HMCN1: variants seen among roughly 807,000 people sequenced by gnomAD.
HMCN1 encodes hemicentin-1.
HMCN1 carries 321 observed loss-of-function variants against 625.9 expected under a neutral mutation model. The ratio of observed to expected loss-of-function variants is 0.51; its 90% confidence interval spans 0.47 to 0.56. HMCN1 has a LOEUF of 0.56. Ranked by LOEUF, HMCN1 falls within the 20% of genes least tolerant of loss-of-function variation. HMCN1 has a pLI of 0.00. For missense variants in HMCN1, 6,588 were observed against 6,887.3 expected (o/e 0.96, Z 1.54); for synonymous variants, 2,425 against 2,417.6 (o/e 1.00, Z -0.09).
chr1:185,985,319 C>T (rs1242888814), intron 19 of HMCN1, among the ~76,000 whole-genome samples: 1 of 152,096 alleles, frequency 6.6e-6, no homozygotes, highest in Non-Finnish European at 1.5e-5. Flanking sequence ...GGTTGTGTAA[C>T]TATTTTTCAA....
chr1:185,843,841 G>C (rs1661641206), intron 1 of HMCN1, among the ~76,000 whole-genome samples: 1 of 152,092 alleles, frequency 6.6e-6, no homozygotes, highest in South Asian at 2.1e-4. Context: ...GTTGAAAACA[G>C]GTGTATATTT....
intron 105 of HMCN1, among the ~76,000 whole-genome samples, chr1:186,182,725 AT>A (rs1162739003): frequency 6.6e-6 from 1 of 152,200 alleles, no homozygotes; most frequent in African/African-American, 2.4e-5. Context: ...CAATTAAATG[AT>A]TCATTCATTC....
At chr1:185,985,612 C>A (rs1016683405) in intron 19 of HMCN1, among the ~76,000 whole-genome samples, 1 of 152,154 alleles carries the variant, frequency 6.6e-6, no homozygotes, top group Non-Finnish European at 1.5e-5. Flanking sequence ...TCACAAAATT[C>A]ATTTGTCCAT....
At chr1:185,893,081 C>T (rs1361524542) in intron 4 of HMCN1, among the ~76,000 whole-genome samples, 1 of 152,192 alleles carries the variant, frequency 6.6e-6, no homozygotes, top group Non-Finnish European at 1.5e-5. Context: ...TTCCAGGTGC[C>T]GTCCGTTACC....
At chr1:186,185,601 C>A (rs1169930810) in intron 105 of HMCN1, among the ~76,000 whole-genome samples, 2 of 152,344 alleles carry the variant, frequency 1.3e-5, no homozygotes, top group African/African-American at 4.8e-5. Flanking sequence ...TACTCCGTAT[C>A]ATTCTAACCC....
At position 185,919,866 on chromosome 1, in the gene HMCN1, G is replaced by A. The variant is rs955785104; in HGVS notation, c.901-2513G>A. On this transcript the variant is annotated intron_variant, in intron 6 of 106. Transcript: ENST00000271588. ...TTGTGAGGATTAAAAGTGAGAATTT[G>A]TATAAAAAATTAAGCTTTATATATA... Among the ~76,000 whole-genome samples, 3 of 152,146 alleles carry A rather than the reference G, an allele frequency of 2.0e-5. No individual in the cohort carries two copies. In the East Asian group the frequency reaches 5.8e-4, roughly 29 times the overall value.
chr1:185,735,623 TTCAC>T (rs1653506267), intron 1 of HMCN1, among the ~76,000 whole-genome samples: 2 of 152,230 alleles, frequency 1.3e-5, no homozygotes, highest in Non-Finnish European at 2.9e-5. Context: ...ATTAGATAGG[TTCAC>T]AGATGGGTAT....
intron 30 of HMCN1, among the ~76,000 whole-genome samples, chr1:186,007,902 C>T (rs1446742440): frequency 1.3e-5 from 2 of 152,100 alleles, no homozygotes; most frequent in African/African-American, 2.4e-5. Context: ...AAGATTTATA[C>T]AATAGAAAGG....
intron 36 of HMCN1, among the ~76,000 whole-genome samples, chr1:186,031,568 A>G (rs568174183): frequency 2.6e-5 from 4 of 151,848 alleles, no homozygotes; most frequent in Non-Finnish European, 5.9e-5. Flanking sequence ...CAAATTTGGG[A>G]ACATTTCAGT....
At chr1:186,099,115 A>T (rs915554963) in intron 68 of HMCN1, among the ~76,000 whole-genome samples, 1 of 152,098 alleles carries the variant, frequency 6.6e-6, no homozygotes, top group African/African-American at 2.4e-5. Context: ...TATAGTTAAT[A>T]ATATACTATT....
At chr1:185,806,240 AC>A (rs1659159950) in intron 1 of HMCN1, among the ~76,000 whole-genome samples, 1 of 152,130 alleles carries the variant, frequency 6.6e-6, no homozygotes, top group Non-Finnish European at 1.5e-5. Flanking sequence ...TGCCTGAACA[AC>A]TAATAAGAGA....
At chr1:185,886,650 A>G (rs985921581) in intron 4 of HMCN1, among the ~76,000 whole-genome samples, 1 of 152,090 alleles carries the variant, frequency 6.6e-6, no homozygotes, top group East Asian at 1.9e-4. Flanking sequence ...TATGGAATGT[A>G]TCATAAAGAT....
In HMCN1 at chr1:185,814,694, T is replaced by TA. The variant is rs919527949; in HGVS notation, c.269-31332_269-31331insA. 5.5e-5 allele frequency among the ~76,000 whole-genome samples: 8 copies of TA among 146,536 alleles called. 1 individual carries two copies. The highest frequency in any genetic ancestry group is 2.2e-4 in the African/African-American group (8 of 36,762). The stretch of plus-strand genomic sequence containing the variant: ...ATTTATTTTTTTTAATTATTATTAT[T>TA]TATTTTTTTTTTTTTGAGATGCAGT... On this transcript the variant is annotated intron_variant, in intron 1 of 106. Coordinates refer to ENST00000271588, the MANE Select transcript of HMCN1 (RefSeq NM_031935.3).
At chr1:185,843,934 G>A (rs866516144) in intron 1 of HMCN1, among the ~76,000 whole-genome samples, 6 of 152,118 alleles carry the variant, frequency 3.9e-5, no homozygotes, top group Non-Finnish European at 8.8e-5. Context: ...TTGAAGAGCA[G>A]GCATATATTC....
At chr1:186,171,730 T>C (rs980202303) in intron 101 of HMCN1, among the ~76,000 whole-genome samples, 1 of 152,060 alleles carries the variant, frequency 6.6e-6, no homozygotes, top group African/African-American at 2.4e-5. Context: ...TGTATACAAA[T>C]GAAGTTAGTA....
At chr1:186,079,355 A>G (rs1659028064) in intron 55 of HMCN1, among the ~76,000 whole-genome samples, 2 of 152,102 alleles carry the variant, frequency 1.3e-5, no homozygotes, top group South Asian at 4.2e-4. Context: ...TCTCCCTTAC[A>G]GTGGTCAGTA....
intron 1 of HMCN1, among the ~76,000 whole-genome samples, chr1:185,834,596 C>A (rs1053130942): frequency 6.6e-6 from 1 of 152,174 alleles, no homozygotes. Context: ...AAACTATGGT[C>A]TCTTTATAAC....
chr1:185,898,107 GC>G (rs1665586784), intron 4 of HMCN1, among the ~76,000 whole-genome samples: 1 of 152,194 alleles, frequency 6.6e-6, no homozygotes, highest in East Asian at 1.9e-4. Flanking sequence ...AGGCACTGAA[GC>G]TGGAAAGTGG....
chr1:186,039,416 A>G (rs980155381), intron 38 of HMCN1, among the ~76,000 whole-genome samples: 3 of 152,064 alleles, frequency 2.0e-5, no homozygotes, highest in African/African-American at 4.8e-5. Context: ...ATGTGCACAC[A>G]CACACACACA....
Sources: allele counts gnomAD v4.1 joint callset (sites outside exome capture counted in the v4.1 genomes callset), GRCh38; gene constraint gnomAD v4.1.1; transcripts MANE v1.5; gene names NCBI Gene and HGNC (gene_info 2026-07-23, HGNC 2026-07-21).